The following LRRC41 variants were observed in gnomAD, a reference collection of about 807,000 sequenced individuals.
LRRC41 encodes the protein leucine-rich repeat-containing protein 41.
In LRRC41, 17 loss-of-function variants were observed where a neutral mutation model predicts 72.1. That is an observed-to-expected ratio of 0.24 (90% CI 0.16 to 0.35). The LOEUF (loss-of-function observed/expected upper bound fraction) is 0.35, where lower values mean the gene tolerates loss of function less well. Among genes scored for constraint, LRRC41 ranks in the 10% least tolerant of loss-of-function variants. LRRC41 has a pLI of 1.00. For synonymous variants in LRRC41, 427 were observed against 431.0 expected (o/e 0.99, Z 0.11); for missense variants, 759 against 1,065.0 (o/e 0.71, Z 4.00).
intron 3 of LRRC41, among the ~76,000 whole-genome samples, chr1:46,287,966 G>A (rs1375076708): frequency 6.6e-6 from 1 of 152,180 alleles, no homozygotes; most frequent in South Asian, 2.1e-4. Flanking sequence ...CCAAAAGGCC[G>A]AGAAGCGATT....
Position 46,277,747 on chromosome 1 carries a change from T to C in LRRC41, c.*1118A>G. The C allele has an allele frequency of 6.6e-7, 1 of 1,518,762 alleles. No individual in the cohort carries two copies. Among genetic ancestry groups the C allele is most frequent in the African/African-American group, 1.4e-5 (1 of 72,936 alleles). 94.1% of individuals were successfully genotyped at this position (1,518,762 alleles called of 1,614,324 possible). A position where few individuals can be genotyped will look rare whatever the true frequency, so the allele number is the denominator to read the frequency against. On this transcript the variant is annotated 3_prime_UTR_variant, in exon 10 of 10. Transcript: ENST00000617190. ...TAGCTGTAGTTTCAACCCTTTGGTT[T>C]TCCTGCTCCCTTTTTATGAGGATGG...
Position 46,277,710 on chromosome 1 carries a change from C to T in LRRC41, c.*1155G>A. 2 of 1,285,140 alleles carry T rather than the reference C, an allele frequency of 1.6e-6. No homozygotes were observed. The allele number at this position is 1,285,140 out of a possible 1,614,324, so 79.6% of individuals were successfully genotyped here. ...TGGGACTCATACTTTTTATTCATCTCCTCTTCTCGGGTAGCTGTAGTTTCA... is the reference window on the plus strand; with the variant it reads ...TGGGACTCATACTTTTTATTCATCTTCTCTTCTCGGGTAGCTGTAGTTTCA... On this transcript the variant is annotated 3_prime_UTR_variant, in exon 10 of 10. Transcript: ENST00000617190.
chr1:46,286,868 G>C lies in LRRC41; in HGVS notation c.358-369C>G, dbSNP rs1396720761. 6.6e-6 allele frequency among the ~76,000 whole-genome samples: 1 copy of C among 152,042 alleles called. No individual in the cohort carries two copies. The highest frequency in any genetic ancestry group is 1.5e-5 in the Non-Finnish European group (1 of 68,006). On this transcript the variant is annotated intron_variant, in intron 3 of 9. Coordinates refer to ENST00000617190, the MANE Select transcript of LRRC41 (RefSeq NM_006369.5). The surrounding 1 kb of genome is among the most constrained non-coding windows in gnomAD (Gnocchi z 5.5). ...GAGTCTCACTTTGTAGCCTAGGCTG[G>C]AGTGCAGTGGTGTGATCTCAGCTCA...
rs754995325 is a variant in LRRC41 at position 46,278,238 on chromosome 1, G to T, written c.*627C>A. On this transcript the variant is annotated 3_prime_UTR_variant, in exon 10 of 10. Coordinates refer to ENST00000617190, the MANE Select transcript of LRRC41 (RefSeq NM_006369.5). The stretch of plus-strand genomic sequence containing the variant: ...TGCTGCCTCCACTGCCATCACCTTC[G>T]TCTTCCACCAGCGTTCTCATGAGGA... 6.2e-7 allele frequency: 1 copy of T among 1,613,836 alleles called. No homozygotes were observed. Among genetic ancestry groups the T allele is most frequent in the South Asian group, 1.1e-5 (1 of 90,998 alleles).
rs779435679 is a variant in LRRC41 at position 46,298,324 on chromosome 1, T to A, written c.246A>T (p.Ile82=). ...TTTCCTCAATCCTCTCCAAGTAATATATATTGAGCAGAGGTAGGATGCTTT... is the reference window on the plus strand; with the variant it reads ...TTTCCTCAATCCTCTCCAAGTAATAAATATTGAGCAGAGGTAGGATGCTTT... ...ILQSILPLLN[I]YYLERIEETA... Residue 82 remains isoleucine (I), a synonymous_variant, in exon 2 of 10, where the codon ATA becomes ATT. Transcript: ENST00000617190. The A allele has an allele frequency of 1.2e-6, 2 of 1,612,738 alleles. No homozygotes were observed. Among genetic ancestry groups the A allele is most frequent in the South Asian group, 2.2e-5 (2 of 90,914 alleles).
Position 46,302,135 on chromosome 1 carries a change from C to T in LRRC41, c.199+989G>A. ...CATCCCGGCGCCCCAGGCCGCCCTC[C>T]ATCCAGGCCCGGCCCTTTGGTCCCG... On this transcript the variant is annotated intron_variant, in intron 1 of 9. Coordinates refer to ENST00000617190, the MANE Select transcript of LRRC41 (RefSeq NM_006369.5). This position sits in a 1 kb window ranked among gnomAD's most constrained non-coding sequence, Gnocchi z 4.7. 4 of 985,326 alleles carry T rather than the reference C, an allele frequency of 4.1e-6. No individual in the cohort carries two copies. The highest frequency in any genetic ancestry group is 4.8e-6 in the Non-Finnish European group (4 of 829,878). The allele number at this position is 985,326 out of a possible 1,614,324, so 61.0% of individuals were successfully genotyped here.
intron 3 of LRRC41, among the ~76,000 whole-genome samples, chr1:46,294,592 CT>C (rs60249294): frequency 1.6e-3 from 168 of 108,336 alleles, no homozygotes; most frequent in African/African-American, 2.2e-3. Flanking sequence ...ACAACTAATT[CT>C]TTTTTTTTTT....
At chr1:46,281,055 G>A (rs1023878912) in intron 5 of LRRC41, 70 bp downstream of exon 5, 17 of 1,573,856 alleles carry the variant, frequency 1.1e-5, no homozygotes, top group Admixed American at 8.6e-5. Context: ...TTCCCCATAC[G>A]AATGCATCTG....
chr1:46,290,993 C>T (rs1411075000), intron 3 of LRRC41, among the ~76,000 whole-genome samples: 3 of 142,116 alleles, frequency 2.1e-5, no homozygotes, highest in Non-Finnish European at 4.5e-5. Flanking sequence ...GGCACGATCT[C>T]GGCTCACTGC....
chr1:46,280,640 G>A, intron 5 of LRRC41, 80 bp from the exon 6 acceptor site: 1 of 1,407,116 alleles, frequency 7.1e-7, no homozygotes, highest in South Asian at 1.3e-5. Flanking sequence ...GTTCTTAAGG[G>A]ATTCATCTAA....
At position 46,279,649 on chromosome 1, in the gene LRRC41, G is replaced by A; in HGVS notation, c.2021-35C>T. 1 of 1,613,664 alleles carries A rather than the reference G, an allele frequency of 6.2e-7. No homozygotes were observed. Among genetic ancestry groups the A allele is most frequent in the Non-Finnish European group, 8.5e-7 (1 of 1,179,694 alleles). On this transcript the variant is annotated intron_variant, in intron 7 of 9. Transcript: ENST00000617190. This position sits in a 1 kb window ranked among gnomAD's most constrained non-coding sequence, Gnocchi z 4.5. ...AAAATTATAGTAAATTCTGATGGCTGCATTAGGACTGGTGCTGCCCCTCCT... is the reference window on the plus strand; with the variant it reads ...AAAATTATAGTAAATTCTGATGGCTACATTAGGACTGGTGCTGCCCCTCCT...
At chr1:46,290,648 C>G (rs1410498472) in intron 3 of LRRC41, among the ~76,000 whole-genome samples, 1 of 140,482 alleles carries the variant, frequency 7.1e-6, no homozygotes, top group Admixed American at 7.5e-5. Flanking sequence ...TCGCCCTGGT[C>G]TGGGCTGGAG....
At chr1:46,290,267 G>A (rs1423435618) in intron 3 of LRRC41, among the ~76,000 whole-genome samples, 10 of 152,142 alleles carry the variant, frequency 6.6e-5, no homozygotes, top group Admixed American at 2.6e-4. Flanking sequence ...AAATGTAGCT[G>A]GGCATAGTGG....
At chr1:46,287,387 C>T (rs959724332) in intron 3 of LRRC41, among the ~76,000 whole-genome samples, 17 of 152,268 alleles carry the variant, frequency 1.1e-4, no homozygotes, top group African/African-American at 3.4e-4. Context: ...GGATTACAGG[C>T]GTGAGCCACC....
chr1:46,285,202 T>C lies in LRRC41; in HGVS notation c.1495+160A>G, dbSNP rs1037047122. On this transcript the variant is annotated intron_variant, in intron 4 of 9. Transcript: ENST00000617190. The surrounding 1 kb of genome is among the most constrained non-coding windows in gnomAD (Gnocchi z 5.3). The stretch of plus-strand genomic sequence containing the variant: ...GTGTATAGACTTTATGTTCCTCTCT[T>C]CTAGCAATGACAGTCTCCCCTGCTA... The C allele has an allele frequency of 1.0e-5, 7 of 694,122 alleles. No individual in the cohort carries two copies. The highest frequency in any genetic ancestry group is 9.0e-5 in the African/African-American group (5 of 55,728). The allele number at this position is 694,122 out of a possible 1,614,324, so 43.0% of individuals were successfully genotyped here.
At chr1:46,303,055 C>T in intron 1 of LRRC41, 69 bp downstream of exon 1, 1 of 1,343,830 alleles carries the variant, frequency 7.4e-7, no homozygotes, top group South Asian at 1.9e-5. Flanking sequence ...GGCCTCGCCC[C>T]CCGCGCCCCC....
Position 46,303,330 on chromosome 1 carries a change from A to G in LRRC41, c.-8T>C. ...GGCCTCGGGCGCCGCCATCTTGGGGAGGTGCGCGAGCCCGAGAGTGTCGCC... is the reference window on the plus strand; with the variant it reads ...GGCCTCGGGCGCCGCCATCTTGGGGGGGTGCGCGAGCCCGAGAGTGTCGCC... On this transcript the variant is annotated 5_prime_UTR_variant, in exon 1 of 10. Transcript: ENST00000617190. 2 of 1,508,542 alleles carry G rather than the reference A, an allele frequency of 1.3e-6. No individual in the cohort carries two copies. The highest frequency in any genetic ancestry group is 8.8e-7 in the Non-Finnish European group (1 of 1,132,058). The allele number at this position is 1,508,542 out of a possible 1,614,324, so 93.4% of individuals were successfully genotyped here.
At chr1:46,281,664 T>A (rs1047303292) in intron 4 of LRRC41, among the ~76,000 whole-genome samples, 1 of 152,226 alleles carries the variant, frequency 6.6e-6, no homozygotes, top group African/African-American at 2.4e-5. Flanking sequence ...AGCATGTGGC[T>A]ACTAGCTGAA....
Position 46,278,211 on chromosome 1 carries a change from G to C in LRRC41, c.*654C>G, listed in dbSNP as rs1418765845. 2 of 1,613,832 alleles carry C rather than the reference G, an allele frequency of 1.2e-6. No individual in the cohort carries two copies. The highest frequency in any genetic ancestry group is 1.7e-5 in the Admixed American group (1 of 59,972). On this transcript the variant is annotated 3_prime_UTR_variant, in exon 10 of 10. Coordinates refer to ENST00000617190, the MANE Select transcript of LRRC41 (RefSeq NM_006369.5). ...GGATGAGGTACTCCAGGCTGCCTGG[G>C]ATGCTGCCTCCACTGCCATCACCTT... is the stretch of plus-strand genomic sequence containing the variant.
Sources: gnomAD v4.1 joint callset for allele counts (sites outside exome capture counted in the v4.1 genomes callset) on GRCh38, gnomAD v4.1.1 for gene constraint, Gnocchi (gnomAD v3.1) non-coding constraint, MANE v1.5 for transcripts, NCBI Gene and HGNC (gene_info 2026-07-23, HGNC 2026-07-21) for gene names.